The following KIAA1549L variants were observed in gnomAD, a reference collection of about 807,000 sequenced individuals.
KIAA1549L encodes the protein KIAA1549 like.
In KIAA1549L, 88 loss-of-function variants were observed where a neutral mutation model predicts 160.7. The observed-to-expected ratio is 0.55, with a 90% CI of 0.46 to 0.65. KIAA1549L has a LOEUF of 0.65. Ranked by LOEUF, KIAA1549L falls within the 30% of genes least tolerant of loss-of-function variation. KIAA1549L has a pLI of 0.00. For missense variants in KIAA1549L, 2,258 were observed against 2,437.5 expected (o/e 0.93, Z 1.55); for synonymous variants, 950 against 976.7 (o/e 0.97, Z 0.51).
intron 8 of KIAA1549L, among the ~76,000 whole-genome samples, chr11:33,563,944 A>G (rs1854962698): frequency 6.6e-6 from 1 of 152,066 alleles, no homozygotes; most frequent in African/African-American, 2.4e-5. Context: ...CCGTGCCTCT[A>G]TTTTGGTAAC....
chr11:33,547,599 G>A (rs535775119), intron 3 of KIAA1549L, among the ~76,000 whole-genome samples, 165 bp from the exon 4 acceptor site: 5 of 152,250 alleles, frequency 3.3e-5, no homozygotes, highest in East Asian at 1.9e-4. Flanking sequence ...GGACTTTAGC[G>A]GGACCCACAG....
chr11:33,430,055 C>CTTCCTCCCTTCCTCCCTTCCTCCCTTCT (rs1565133003), intron 1 of KIAA1549L, among the ~76,000 whole-genome samples: 3 of 137,520 alleles, frequency 2.2e-5, no homozygotes, highest in African/African-American at 8.2e-5. Context: ...TCCTCCCTTC[C>CTTCCTCCCTTCCTCCCTTCCTCCCTTCT]CTCTCTCCTC....
chr11:33,486,408 A>G (rs1158443308), intron 1 of KIAA1549L, among the ~76,000 whole-genome samples: 2 of 152,148 alleles, frequency 1.3e-5, no homozygotes, highest in Non-Finnish European at 2.9e-5. Flanking sequence ...TTGGTTTTTC[A>G]ATTGTTTCTC....
At chr11:33,581,445 A>G (rs1855642309) in intron 10 of KIAA1549L, among the ~76,000 whole-genome samples, 1 of 151,416 alleles carries the variant, frequency 6.6e-6, no homozygotes, top group Non-Finnish European at 1.5e-5. Flanking sequence ...ACGCTTGCAC[A>G]TAAGCACACA....
intron 1 of KIAA1549L, among the ~76,000 whole-genome samples, chr11:33,464,776 T>C (rs544610810): frequency 6.6e-6 from 1 of 152,222 alleles, no homozygotes; most frequent in East Asian, 1.9e-4. Context: ...CCAGACCTCT[T>C]AGCAAGGCTT....
At chr11:33,398,618 C>T (rs10501129) in intron 1 of KIAA1549L, among the ~76,000 whole-genome samples, 70,997 of 152,116 alleles carry the variant, frequency 0.47, 19,122 homozygotes, top group Non-Finnish European at 0.59. Context: ...CTCTGCAATA[C>T]TTGCTACCAC....
At chr11:33,643,772 C>T (rs1222087407) in intron 16 of KIAA1549L, among the ~76,000 whole-genome samples, 1 of 152,206 alleles carries the variant, frequency 6.6e-6, no homozygotes, top group African/African-American at 2.4e-5. Context: ...TTAATGATCT[C>T]CTAAAGTCCC....
chr11:33,572,421 G>C (rs1855294153), intron 9 of KIAA1549L, among the ~76,000 whole-genome samples: 1 of 152,052 alleles, frequency 6.6e-6, no homozygotes, highest in Non-Finnish European at 1.5e-5. Context: ...ACATTATACT[G>C]TTACTATTTT....
chr11:33,565,691 C>A (rs1468547717), intron 8 of KIAA1549L, among the ~76,000 whole-genome samples: 1 of 149,656 alleles, frequency 6.7e-6, no homozygotes, highest in Non-Finnish European at 1.5e-5. Flanking sequence ...CAGCCTCTGG[C>A]ACTTCCGTGG....
intron 14 of KIAA1549L, among the ~76,000 whole-genome samples, chr11:33,609,448 G>A (rs948636316): frequency 2.0e-5 from 3 of 152,234 alleles, no homozygotes; most frequent in Admixed American, 6.5e-5. Context: ...AATTAAGGCC[G>A]AGCCACATTG....
intron 1 of KIAA1549L, among the ~76,000 whole-genome samples, chr11:33,492,572 A>T (rs1352059149): frequency 6.6e-6 from 1 of 152,090 alleles, no homozygotes; most frequent in Non-Finnish European, 1.5e-5. Context: ...ACGTGGTTCT[A>T]CTTTTTGTTA....
chr11:33,631,271 A>G (rs939926278), intron 16 of KIAA1549L, among the ~76,000 whole-genome samples: 22 of 152,146 alleles, frequency 1.4e-4, no homozygotes, highest in African/African-American at 4.8e-4. Flanking sequence ...GTGCCCTTCT[A>G]GCTGACGCGT....
intron 16 of KIAA1549L, among the ~76,000 whole-genome samples, chr11:33,631,479 G>C (rs143509425): frequency 6.6e-6 from 1 of 152,140 alleles, no homozygotes; most frequent in Non-Finnish European, 1.5e-5. Flanking sequence ...CATATGGTGC[G>C]CTGTCCTGTA....
intron 1 of KIAA1549L, among the ~76,000 whole-genome samples, chr11:33,430,031 CT>C (rs1851199598): frequency 1.4e-5 from 2 of 143,514 alleles, no homozygotes; most frequent in African/African-American, 5.3e-5. Context: ...TCCTTCCTTC[CT>C]TCCTTCCTTC....
chr11:33,510,587 G>T (rs968296530), intron 1 of KIAA1549L, among the ~76,000 whole-genome samples: 1 of 152,352 alleles, frequency 6.6e-6, no homozygotes, highest in African/African-American at 2.4e-5. Flanking sequence ...ATGCTCTCCA[G>T]AAAGCCCATG....
Position 33,668,936 on chromosome 11 carries a change from C to T in KIAA1549L, c.*782C>T, listed in dbSNP as rs1852580227. On this transcript the variant is annotated 3_prime_UTR_variant, in exon 21 of 21. Transcript: ENST00000658780. ...GGTGCTAAGAGCTTTTAGGATCCTA[C>T]AAAAGAAACACAGTTATTTGTGAAG... The T allele has an allele frequency of 6.6e-6, 1 of 152,194 alleles. No homozygotes were observed. Among genetic ancestry groups the T allele is most frequent in the African/African-American group, 2.4e-5 (1 of 41,448 alleles). The allele number at this position is 152,194 out of a possible 1,614,324, so 9.4% of individuals were successfully genotyped here.
intron 1 of KIAA1549L, among the ~76,000 whole-genome samples, chr11:33,444,740 AAGAG>A (rs199691122): frequency 0.015 from 2,241 of 152,364 alleles, 30 homozygotes; most frequent in Non-Finnish European, 0.023. Context: ...CTCTGCAAAA[AAGAG>A]AGAAATTCTC....
chr11:33,634,970 C>G (rs1409588984), intron 16 of KIAA1549L, among the ~76,000 whole-genome samples: 1 of 152,068 alleles, frequency 6.6e-6, no homozygotes, highest in Non-Finnish European at 1.5e-5. Context: ...CATTTGCACG[C>G]CTTTGCAGAA....
intron 16 of KIAA1549L, among the ~76,000 whole-genome samples, chr11:33,634,853 G>A (rs982519692): frequency 4.6e-5 from 7 of 152,272 alleles, no homozygotes; most frequent in Admixed American, 6.5e-5. Context: ...CACAGAAACA[G>A]CATGCTGTCC....
Sources: allele counts gnomAD v4.1 joint callset (sites outside exome capture counted in the v4.1 genomes callset), GRCh38; gene constraint gnomAD v4.1.1; transcripts MANE v1.5; gene names NCBI Gene and HGNC (gene_info 2026-07-23, HGNC 2026-07-21).